EXOC6B: variants seen among roughly 807,000 people sequenced by gnomAD.
EXOC6B encodes the protein exocyst complex component 6B, also known as SEC15 homolog B.
EXOC6B carries 54 observed loss-of-function variants against 113.5 expected under a neutral mutation model. The observed-to-expected ratio is 0.48, with a 90% confidence interval of 0.38 to 0.60. The LOEUF (loss-of-function observed/expected upper bound fraction) is 0.60, where lower values mean the gene tolerates loss of function less well. Ranked by LOEUF, EXOC6B falls within the 20% of genes least tolerant of loss-of-function variation. The probability of loss-of-function intolerance (pLI) is 0.00; values close to 1 mark genes in which losing one functional copy is unlikely to be tolerated. For missense variants in EXOC6B, 797 were observed against 977.5 expected, an observed-to-expected ratio of 0.82 and a Z score of 2.46; for synonymous variants, 357 against 339.0, an observed-to-expected ratio of 1.05 and a Z score of -0.58.
At chr2:72,484,996 C>T (rs1699342783) in intron 16 of EXOC6B, among the ~76,000 whole-genome samples, 2 of 152,106 alleles carry the variant, frequency 1.3e-5, no homozygotes, top group South Asian at 4.1e-4. Context: ...AATGGGATTG[C>T]TGGGTCAAAT....
At chr2:72,445,395 C>G (rs1314419952) in intron 18 of EXOC6B, among the ~76,000 whole-genome samples, 3 of 152,162 alleles carry the variant, frequency 2.0e-5, no homozygotes, top group Non-Finnish European at 4.4e-5. Flanking sequence ...GCCCATTAAC[C>G]AGTTCCAAAG....
chr2:72,537,086 G>T (rs1449886602), intron 8 of EXOC6B, among the ~76,000 whole-genome samples: 3 of 152,042 alleles, frequency 2.0e-5, no homozygotes, highest in Non-Finnish European at 4.4e-5. Flanking sequence ...TGTATGTTTT[G>T]CTGATTTTTA....
At chr2:72,265,063 A>G (rs1441417211) in intron 20 of EXOC6B, among the ~76,000 whole-genome samples, 1 of 151,810 alleles carries the variant, frequency 6.6e-6, no homozygotes, top group Non-Finnish European at 1.5e-5. Flanking sequence ...AACGGTTTAG[A>G]GGGCTTAGAA....
chr2:72,634,751 A>G (rs766619401), intron 6 of EXOC6B, among the ~76,000 whole-genome samples: 47 of 152,354 alleles, frequency 3.1e-4, no homozygotes, highest in Non-Finnish European at 4.1e-4. Context: ...CATCTCCTTA[A>G]TCAAACTGCT....
At chr2:72,456,118 T>C (rs1049549873) in intron 18 of EXOC6B, among the ~76,000 whole-genome samples, 4 of 151,990 alleles carry the variant, frequency 2.6e-5, no homozygotes, top group Admixed American at 2.6e-4. Flanking sequence ...AATGGGATAA[T>C]GACATATAAA....
chr2:72,800,197 AATAT>A (rs1685202495), intron 1 of EXOC6B, among the ~76,000 whole-genome samples: 1 of 152,240 alleles, frequency 6.6e-6, no homozygotes, highest in Non-Finnish European at 1.5e-5. Flanking sequence ...TAAAGAATAA[AATAT>A]ATAGTTTTTA....
At chr2:72,345,093 G>C (rs1689253104) in intron 19 of EXOC6B, among the ~76,000 whole-genome samples, 1 of 152,092 alleles carries the variant, frequency 6.6e-6, no homozygotes, top group South Asian at 2.1e-4. Context: ...GACTGGGGTT[G>C]AGGATGGGTA....
At chr2:72,532,817 C>T (rs1026170995) in intron 8 of EXOC6B, among the ~76,000 whole-genome samples, 3 of 150,978 alleles carry the variant, frequency 2.0e-5, no homozygotes, top group African/African-American at 4.9e-5. Flanking sequence ...CAAACAACAA[C>T]GACAAAAAAC....
At chr2:72,443,120 T>A (rs895646178) in intron 18 of EXOC6B, among the ~76,000 whole-genome samples, 4 of 150,886 alleles carry the variant, frequency 2.7e-5, no homozygotes, top group Non-Finnish European at 4.4e-5. Flanking sequence ...AGGTCAGGAG[T>A]TCGAGACCAG....
chr2:72,693,863 C>G (rs1368708767), intron 6 of EXOC6B, among the ~76,000 whole-genome samples: 1 of 151,150 alleles, frequency 6.6e-6, no homozygotes, highest in Admixed American at 6.6e-5. Context: ...TTTCCTTGTG[C>G]CACTCATCCT....
intron 20 of EXOC6B, among the ~76,000 whole-genome samples, chr2:72,272,725 G>A (rs1201754374): frequency 1.3e-5 from 2 of 152,142 alleles, no homozygotes; most frequent in African/African-American, 4.8e-5. Context: ...GAGACTGAGA[G>A]TTGGCTGACG....
At chr2:72,755,041 C>T (rs1396653907) in intron 1 of EXOC6B, among the ~76,000 whole-genome samples, 1 of 152,112 alleles carries the variant, frequency 6.6e-6, no homozygotes, top group Non-Finnish European at 1.5e-5. Context: ...ATAAGAATTA[C>T]TCCTTAACAG....
intron 17 of EXOC6B, among the ~76,000 whole-genome samples, chr2:72,479,092 T>A (rs1223714109): frequency 1.3e-5 from 2 of 152,164 alleles, no homozygotes; most frequent in African/African-American, 2.4e-5. Flanking sequence ...TTTTCCTCAC[T>A]AAAAGAACAT....
At chr2:72,771,923 C>T (rs531940979) in intron 1 of EXOC6B, among the ~76,000 whole-genome samples, 1 of 152,080 alleles carries the variant, frequency 6.6e-6, no homozygotes, top group Non-Finnish European at 1.5e-5. Flanking sequence ...AACTGAGGAG[C>T]GATGTCAGCA....
In EXOC6B at chr2:72,825,427, C is replaced by A. The variant is rs1167540091; in HGVS notation, c.113+371G>T. On this transcript the variant is annotated intron_variant, in intron 1 of 21. Transcript: ENST00000272427. The surrounding 1 kb of genome is among the most constrained non-coding windows in gnomAD (Gnocchi z 4.4). ...GTTGTCTGAAGAGCAGGACTCCTGT[C>A]TAGGGCAGGACGTAGTTAGAGACGG... 6.6e-6 allele frequency among the ~76,000 whole-genome samples: 1 copy of A among 152,186 alleles called. No homozygotes were observed. Among genetic ancestry groups the A allele is most frequent in the Non-Finnish European group, 1.5e-5 (1 of 68,032 alleles).
chr2:72,184,094 C>G lies in EXOC6B; in HGVS notation c.2290G>C (p.Ala764Pro). ...CKYLRVNPVT[A>P]LTLLEKMKDT... ...ACTCACTTCTCAAGCAGGGTCAGAGCAGTCACTGGGTTTACCCGGAGGTAC... is the reference window on the plus strand; with the variant it reads ...ACTCACTTCTCAAGCAGGGTCAGAGGAGTCACTGGGTTTACCCGGAGGTAC... The change falls in exon 21 of 22, where the codon GCT (alanine) becomes CCT (proline). Residue 764 changes from alanine (A) to proline (P), a missense_variant. Coordinates refer to ENST00000272427, the MANE Select transcript of EXOC6B (RefSeq NM_015189.3). The G allele has an allele frequency of 6.4e-7, 1 of 1,560,586 alleles. No homozygotes were observed. The highest frequency in any genetic ancestry group is 1.2e-5 in the South Asian group (1 of 84,544).
At position 72,499,294 on chromosome 2, in the gene EXOC6B, T is replaced by C. The variant is rs1028031826; in HGVS notation, c.1239+607A>G. On this transcript the variant is annotated intron_variant, in intron 12 of 21. Coordinates refer to ENST00000272427, the MANE Select transcript of EXOC6B (RefSeq NM_015189.3). ...CGCCCAGGCTGGAGGGCAATGGCAC[T>C]ATCTCAGCTCACTGCAACCTCCACC... 2.6e-5 allele frequency among the ~76,000 whole-genome samples: 4 copies of C among 151,308 alleles called. No individual in the cohort carries two copies. In the Admixed American group the frequency reaches 2.6e-4, roughly 10 times the overall value.
intron 11 of EXOC6B, among the ~76,000 whole-genome samples, chr2:72,508,858 T>C (rs1700750553): frequency 6.6e-6 from 1 of 152,110 alleles, no homozygotes; most frequent in Non-Finnish European, 1.5e-5. Flanking sequence ...ATCACAATGT[T>C]GTATTGATTC....
intron 20 of EXOC6B, among the ~76,000 whole-genome samples, chr2:72,305,425 T>C (rs1686797041): frequency 6.6e-6 from 1 of 152,156 alleles, no homozygotes; most frequent in African/African-American, 2.4e-5. Context: ...TCTTATCTAG[T>C]TGTCCCTTGT....
Sources: gnomAD v4.1 joint callset for allele counts (sites outside exome capture counted in the v4.1 genomes callset) on GRCh38, gnomAD v4.1.1 for gene constraint, Gnocchi (gnomAD v3.1) non-coding constraint, MANE v1.5 for transcripts, NCBI Gene and HGNC (gene_info 2026-07-23, HGNC 2026-07-21) for gene names.